CNTNAP5: variants seen among roughly 807,000 people sequenced by gnomAD.
The protein encoded by CNTNAP5 is contactin-associated protein-like 5.
CNTNAP5 carries 72 observed loss-of-function variants against 150.2 expected under a neutral mutation model. The observed-to-expected ratio is 0.48, with a 90% CI of 0.40 to 0.58. The LOEUF (loss-of-function observed/expected upper bound fraction) is 0.58. CNTNAP5 is among the 20% of genes least tolerant of loss of function. The probability of loss-of-function intolerance (pLI) is 0.00; values close to 1 mark genes in which losing one functional copy is unlikely to be tolerated. For missense variants in CNTNAP5, 1,636 were observed against 1,626.2 expected (o/e 1.01, Z -0.10); for synonymous variants, 672 against 619.8 (o/e 1.08, Z -1.25).
At chr2:124,232,651 T>C (rs1686652315) in intron 2 of CNTNAP5, among the ~76,000 whole-genome samples, 1 of 152,174 alleles carries the variant, frequency 6.6e-6, no homozygotes, top group African/African-American at 2.4e-5. Context: ...CCTTGCTTAT[T>C]TCAGTTATAT....
intron 3 of CNTNAP5, among the ~76,000 whole-genome samples, chr2:124,266,476 G>T (rs894523342): frequency 1.3e-5 from 2 of 152,082 alleles, no homozygotes; most frequent in Non-Finnish European, 2.9e-5. Flanking sequence ...AAGCTGAACA[G>T]CCCTCAGAAT....
At chr2:124,837,194 G>C (rs1682847740) in intron 19 of CNTNAP5, among the ~76,000 whole-genome samples, 1 of 151,276 alleles carries the variant, frequency 6.6e-6, no homozygotes, top group Non-Finnish European at 1.5e-5. Flanking sequence ...AAAAAAAAAA[G>C]GTTAAATGCA....
At chr2:124,713,301 C>CTTT (rs1421553026) in intron 13 of CNTNAP5, among the ~76,000 whole-genome samples, 1 of 76,968 alleles carries the variant, frequency 1.3e-5, no homozygotes, top group African/African-American at 4.4e-5. Context: ...TTCTTTCTTT[C>CTTT]TTCTTTCTCT....
intron 12 of CNTNAP5, among the ~76,000 whole-genome samples, chr2:124,614,983 CAAAAAA>C (rs70996082): frequency 0.43 from 65,572 of 151,798 alleles, 14,813 homozygotes; most frequent in East Asian, 0.8. Flanking sequence ...AGCATTATAT[CAAAAAA>C]AAAAAAAACC....
intron 1 of CNTNAP5, among the ~76,000 whole-genome samples, chr2:124,088,127 G>A (rs1682735265): frequency 6.6e-6 from 1 of 152,088 alleles, no homozygotes; most frequent in Non-Finnish European, 1.5e-5. Flanking sequence ...TTATTCTTCA[G>A]TCTACTTTCT....
intron 18 of CNTNAP5, among the ~76,000 whole-genome samples, chr2:124,791,245 C>A (rs187675857): frequency 6.6e-6 from 1 of 152,202 alleles, no homozygotes; most frequent in Non-Finnish European, 1.5e-5. Context: ...GCCCTCCGTT[C>A]ATTCATACAG....
intron 13 of CNTNAP5, among the ~76,000 whole-genome samples, chr2:124,651,868 C>T (rs148886485): frequency 4.6e-5 from 7 of 152,264 alleles, no homozygotes; most frequent in Admixed American, 2.6e-4. Flanking sequence ...CCATGGCTCA[C>T]GCACCCCTTC....
At chr2:124,287,559 G>A (rs376710672) in intron 3 of CNTNAP5, among the ~76,000 whole-genome samples, 15 of 152,080 alleles carry the variant, frequency 9.9e-5, no homozygotes, top group South Asian at 2.1e-4. Flanking sequence ...GAAGAACTGC[G>A]TAATATTGGG....
chr2:124,548,914 A>C (rs2104914561), intron 10 of CNTNAP5, among the ~76,000 whole-genome samples: 1 of 152,286 alleles, frequency 6.6e-6, no homozygotes, highest in East Asian at 1.9e-4. Flanking sequence ...CTCTAATCTG[A>C]CGCCTGGGCT....
chr2:124,581,130 T>C (rs1025345570), intron 11 of CNTNAP5, among the ~76,000 whole-genome samples: 1 of 152,164 alleles, frequency 6.6e-6, no homozygotes, highest in Non-Finnish European at 1.5e-5. Flanking sequence ...AAGTATCTGC[T>C]GGAGAGGCGG....
chr2:124,076,810 C>T (rs1261888305), intron 1 of CNTNAP5, among the ~76,000 whole-genome samples: 1 of 152,060 alleles, frequency 6.6e-6, no homozygotes, highest in African/African-American at 2.4e-5. Flanking sequence ...AGCTGAGATG[C>T]TAGCTAGTGA....
intron 1 of CNTNAP5, among the ~76,000 whole-genome samples, chr2:124,194,407 AT>A (rs1558795529): frequency 0.19 from 1,087 of 5,744 alleles, 23 homozygotes; most frequent in African/African-American, 0.23. Context: ...ATATATATAT[AT>A]ATAAATATAA....
At chr2:124,281,136 C>T (rs1320140782) in intron 3 of CNTNAP5, among the ~76,000 whole-genome samples, 1 of 151,994 alleles carries the variant, frequency 6.6e-6, no homozygotes, top group Non-Finnish European at 1.5e-5. Flanking sequence ...GGCTATAAAG[C>T]AGCATAGTAT....
At chr2:124,629,765 C>T (rs72974525) in intron 12 of CNTNAP5, among the ~76,000 whole-genome samples, 1,742 of 130,718 alleles carry the variant, frequency 0.013, 29 homozygotes, top group African/African-American at 0.046. Flanking sequence ...TCAATGGATC[C>T]AGGAGCTGTT....
chr2:124,350,245 T>C (rs1689844746), intron 3 of CNTNAP5, among the ~76,000 whole-genome samples: 1 of 152,128 alleles, frequency 6.6e-6, no homozygotes, highest in African/African-American at 2.4e-5. Context: ...CCAGTAATAG[T>C]ATGAAAAATA....
chr2:124,758,276 G>C (rs1680883910), intron 14 of CNTNAP5, among the ~76,000 whole-genome samples: 1 of 152,278 alleles, frequency 6.6e-6, no homozygotes, highest in Non-Finnish European at 1.5e-5. Flanking sequence ...GAGTGTACAG[G>C]ACAAGTCATT....
intron 19 of CNTNAP5, among the ~76,000 whole-genome samples, chr2:124,801,366 G>A (rs1422240350): frequency 3.3e-5 from 5 of 152,082 alleles, no homozygotes; most frequent in Admixed American, 1.3e-4. Flanking sequence ...CATTTCTACA[G>A]CAATCTAACT....
chr2:124,148,941 CAT>C (rs1274220426), intron 1 of CNTNAP5, among the ~76,000 whole-genome samples: 1 of 151,696 alleles, frequency 6.6e-6, no homozygotes, highest in Non-Finnish European at 1.5e-5. Context: ...TATATATACA[CAT>C]ATATAGGCAC....
intron 10 of CNTNAP5, among the ~76,000 whole-genome samples, chr2:124,546,581 G>A (rs909038779): frequency 6.6e-6 from 1 of 152,168 alleles, no homozygotes; most frequent in Non-Finnish European, 1.5e-5. Flanking sequence ...TGCTCATTGT[G>A]GGCAGTGGGG....
Sources: gnomAD v4.1 joint callset for allele counts (sites outside exome capture counted in the v4.1 genomes callset) on GRCh38, gnomAD v4.1.1 for gene constraint, MANE v1.5 for transcripts, NCBI Gene and HGNC (gene_info 2026-07-23, HGNC 2026-07-21) for gene names.